Variants in PEX3 observed in about 807,000 individuals in gnomAD.
PEX3 encodes the protein peroxin-3.
In PEX3, 30 loss-of-function variants were observed where a neutral mutation model predicts 55.8. The ratio of observed to expected loss-of-function variants is 0.54; its 90% CI spans 0.40 to 0.73. PEX3 has a LOEUF of 0.73. Ranked by LOEUF, PEX3 falls within the 30% of genes least tolerant of loss-of-function variation. The pLI is 0.00. For missense variants in PEX3, 351 were observed against 432.8 expected (o/e 0.81, Z 1.68); for synonymous variants, 135 against 148.4 (o/e 0.91, Z 0.66).
Position 143,459,098 on chromosome 6 carries a change from G to A in PEX3, c.87G>A (p.Leu29=). ...TAATGATTGTAGGAGTATATATTCT[G>A]GGGAAATATGGACAGAAGAAAATCA... The part of the protein sequence containing the change: ...LGTVLGGVYI[L]GKYGQKKIRE... Residue 29 remains leucine, a synonymous_variant, in exon 2 of 12, where the codon CTG becomes CTA. Transcript: ENST00000367591. The surrounding 1 kb of genome is among the most constrained non-coding windows in gnomAD (Gnocchi z 4.2). 1 of 1,591,558 alleles carries A rather than the reference G, an allele frequency of 6.3e-7. No homozygotes were observed. The highest frequency in any genetic ancestry group is 8.6e-7 in the Non-Finnish European group (1 of 1,159,588).
rs888701246 is a variant in PEX3, at chr6:143,469,178, T to C, written c.331+1013T>C. Among the ~76,000 whole-genome samples, 14 of 152,222 alleles carry C rather than the reference T, an allele frequency of 9.2e-5. 1 individual carries two copies. Among genetic ancestry groups the C allele is most frequent in the Admixed American group, 5.9e-4 (9 of 15,282 alleles). On this transcript the variant is annotated intron_variant, in intron 4 of 11. Transcript: ENST00000367591. ...TATAGCAGCATGATTTATAATCCTT[T>C]AGGTATATACCCAGTAATGGGATGG...
At chr6:143,477,938 A>C (rs1181391823) in intron 9 of PEX3, among the ~76,000 whole-genome samples, 1 of 152,178 alleles carries the variant, frequency 6.6e-6, no homozygotes, top group African/African-American at 2.4e-5. Context: ...TATCTACCAA[A>C]AAGAATGAAA....
At chr6:143,460,916 A>G (rs887511498) in intron 2 of PEX3, among the ~76,000 whole-genome samples, 1 of 151,946 alleles carries the variant, frequency 6.6e-6, no homozygotes, top group Non-Finnish European at 1.5e-5. Context: ...CTTAAAATAC[A>G]TCGCAGTTTG....
In PEX3 at chr6:143,487,876, GA is replaced by G. The variant is rs1780341185; in HGVS notation, c.1039-1265del. Among the ~76,000 whole-genome samples the G allele has an allele frequency of 6.6e-6, 1 of 151,904 alleles. No homozygotes were observed. On this transcript the variant is annotated intron_variant, in intron 11 of 11. Transcript: ENST00000367591. This position sits in a 1 kb window ranked among gnomAD's most constrained non-coding sequence, Gnocchi z 5.3. ...AAGTAATGTTACTTAAAGCCAATAA[GA>G]ACATAAATATAAACAAATGCCCTAA...
chr6:143,473,007 C>T (rs969527005), intron 8 of PEX3, among the ~76,000 whole-genome samples: 1 of 152,168 alleles, frequency 6.6e-6, no homozygotes, highest in Non-Finnish European at 1.5e-5. Context: ...TGGCTCATTT[C>T]CTAAATTAGT....
rs1482062591 is a variant in PEX3 at position 143,476,726 on chromosome 6, G to A, written c.818+1870G>A. ...AGGAACTGCCATTTACATTTTGGCA[G>A]TGTTAAGCATATCCAAGTGGATATG... On this transcript the variant is annotated intron_variant, in intron 9 of 11. Transcript: ENST00000367591. The surrounding 1 kb of genome is among the most constrained non-coding windows in gnomAD (Gnocchi z 5.4). Among the ~76,000 whole-genome samples the A allele has an allele frequency of 6.6e-6, 1 of 152,218 alleles. No individual in the cohort carries two copies. The highest frequency in any genetic ancestry group is 6.5e-5 in the Admixed American group (1 of 15,284).
chr6:143,470,506 G>A (rs549763102), intron 4 of PEX3, among the ~76,000 whole-genome samples: 2 of 152,206 alleles, frequency 1.3e-5, no homozygotes, highest in South Asian at 4.2e-4. Flanking sequence ...CTACTGGGAG[G>A]CCTGTCTTAC....
Position 143,479,036 on chromosome 6 carries a change from CAG to C in PEX3, c.819-37_819-36del, listed in dbSNP as rs1780191646. On this transcript the variant is annotated intron_variant, in intron 9 of 11. Transcript: ENST00000367591. The surrounding 1 kb of genome is among the most constrained non-coding windows in gnomAD (Gnocchi z 4.6). ...TACTGAATTTGTTTTCTCTTCCATT[CAG>C]AGTCTAAAAAGTAACTTATACTTCT... 4.5e-6 allele frequency: 6 copies of C among 1,321,040 alleles called. No homozygotes were observed. The highest frequency in any genetic ancestry group is 1.8e-4 in the Middle Eastern group (1 of 5,496). 81.8% of individuals were successfully genotyped at this position (1,321,040 alleles called of 1,614,324 possible). A position where few individuals can be genotyped will look rare whatever the true frequency, so the allele number is the denominator to read the frequency against.
chr6:143,473,424 C>T (rs1433040925), intron 8 of PEX3, among the ~76,000 whole-genome samples: 1 of 152,104 alleles, frequency 6.6e-6, no homozygotes, highest in Admixed American at 6.5e-5. Context: ...AAGTAATTTA[C>T]AGTTTTCAAA....
Position 143,463,642 on chromosome 6 carries a change from A to G in PEX3, c.287+645A>G, listed in dbSNP as rs1191917756. On this transcript the variant is annotated intron_variant, in intron 3 of 11. Coordinates refer to ENST00000367591, the MANE Select transcript of PEX3 (RefSeq NM_003630.3). This position sits in a 1 kb window ranked among gnomAD's most constrained non-coding sequence, Gnocchi z 5.7. ...TTCTTATTTTGATGACAATGATGGGAGGGTGGGCAGGGAAATGGTTTCACT... is the reference window on the plus strand; with the variant it reads ...TTCTTATTTTGATGACAATGATGGGGGGGTGGGCAGGGAAATGGTTTCACT... Among the ~76,000 whole-genome samples the G allele has an allele frequency of 7.0e-6, 1 of 142,890 alleles. No individual in the cohort carries two copies. The highest frequency in any genetic ancestry group is 6.9e-5 in the Admixed American group (1 of 14,502). The allele number at this position is 142,890 out of a possible 152,430, so 93.7% of individuals were successfully genotyped here.
At chr6:143,452,886 AC>A (rs1485636729) in intron 1 of PEX3, among the ~76,000 whole-genome samples, 2 of 152,346 alleles carry the variant, frequency 1.3e-5, no homozygotes, top group African/African-American at 4.8e-5. Flanking sequence ...TTTAATAGTA[AC>A]AGCTACTATT....
chr6:143,463,014 G>A lies in PEX3; in HGVS notation c.287+17G>A, dbSNP rs1281796513. 3 of 1,580,244 alleles carry A rather than the reference G, an allele frequency of 1.9e-6. No homozygotes were observed. Among genetic ancestry groups the A allele is most frequent in the Non-Finnish European group, 2.6e-6 (3 of 1,149,396 alleles). On this transcript the variant is annotated intron_variant, in intron 3 of 11. Transcript: ENST00000367591. This position sits in a 1 kb window ranked among gnomAD's most constrained non-coding sequence, Gnocchi z 5.7. ...AAAAAACAGGTAAATGCAAGTTACA[G>A]CATTTTCTGTTTAAGCACTACACTT...
rs1034934457 is a variant in PEX3 at position 143,466,856 on chromosome 6, G to C, written c.288-1266G>C. Among the ~76,000 whole-genome samples, 1 of 151,938 alleles carries C rather than the reference G, an allele frequency of 6.6e-6. No individual in the cohort carries two copies. Among genetic ancestry groups the C allele is most frequent in the Non-Finnish European group, 1.5e-5 (1 of 67,902 alleles). On this transcript the variant is annotated intron_variant, in intron 3 of 11. Coordinates refer to ENST00000367591, the MANE Select transcript of PEX3 (RefSeq NM_003630.3). The surrounding 1 kb of genome is among the most constrained non-coding windows in gnomAD (Gnocchi z 5.4). Reference sequence around the variant, plus strand: ...TAAGTCGTCATCTATGAAGAAGGGAGAAAATGAAGGGGGTTAGGAACAGAC... The same window carrying C: ...TAAGTCGTCATCTATGAAGAAGGGACAAAATGAAGGGGGTTAGGAACAGAC...
chr6:143,482,000 A>G (rs1222672624), intron 10 of PEX3, among the ~76,000 whole-genome samples: 1 of 152,164 alleles, frequency 6.6e-6, no homozygotes, highest in Non-Finnish European at 1.5e-5. Flanking sequence ...AGTATTTGAA[A>G]TCAAAAGCAA....
intron 10 of PEX3, chr6:143,484,945 A>T (rs977405558): frequency 3.7e-6 from 2 of 539,126 alleles, no homozygotes; most frequent in Non-Finnish European, 6.6e-6. Flanking sequence ...AAAAAAACAA[A>T]GATATGTGTA....
In PEX3 at chr6:143,453,771, T is replaced by TC. The variant is rs1779807140; in HGVS notation, c.73+2657dup. 6.6e-6 allele frequency among the ~76,000 whole-genome samples: 1 copy of TC among 152,000 alleles called. No individual in the cohort carries two copies. Among genetic ancestry groups the TC allele is most frequent in the African/African-American group, 2.4e-5 (1 of 41,370 alleles). On this transcript the variant is annotated intron_variant, in intron 1 of 11. Coordinates refer to ENST00000367591, the MANE Select transcript of PEX3 (RefSeq NM_003630.3). The surrounding 1 kb of genome is among the most constrained non-coding windows in gnomAD (Gnocchi z 4.6). ...TTTAATTATTTTGTAGAGACAGGGG[T>TC]CTCACTACATTGCTCAGACTGGTCT... is the stretch of plus-strand genomic sequence containing the variant.
rs1458634522 is a variant in PEX3, at chr6:143,450,954, C to G, written c.-89C>G. ...ACAGAACGGGACGACGGCGCTCTTGCTGGGTCATCTGGGCCAGGTGACGAA... is the reference window on the plus strand; with the variant it reads ...ACAGAACGGGACGACGGCGCTCTTGGTGGGTCATCTGGGCCAGGTGACGAA... On this transcript the variant is annotated 5_prime_UTR_variant, in exon 1 of 12. Transcript: ENST00000367591. The G allele has an allele frequency of 4.0e-6, 4 of 990,058 alleles. No individual in the cohort carries two copies. Among genetic ancestry groups the G allele is most frequent in the African/African-American group, 1.6e-5 (1 of 63,072 alleles). The allele number at this position is 990,058 out of a possible 1,614,324, so 61.3% of individuals were successfully genotyped here. A position where few individuals can be genotyped will look rare whatever the true frequency, so the allele number is the denominator to read the frequency against.
Position 143,471,131 on chromosome 6 carries a change from G to T in PEX3, c.456+46G>T, listed in dbSNP as rs1156683298. The T allele has an allele frequency of 1.3e-6, 2 of 1,571,022 alleles. No homozygotes were observed. The highest frequency in any genetic ancestry group is 2.2e-5 in the East Asian group (1 of 44,582). On this transcript the variant is annotated intron_variant, in intron 5 of 11. Transcript: ENST00000367591. The surrounding 1 kb of genome is among the most constrained non-coding windows in gnomAD (Gnocchi z 5.4). ...TAGACATTGTTCTTTCCCTCAGGAG[G>T]TTCAAAGTTTAACTTATTTATCCTG... is the stretch of plus-strand genomic sequence containing the variant.
In PEX3 at chr6:143,479,006, G is replaced by A. The variant is rs145675869; in HGVS notation, c.819-70G>A. 114 of 936,634 alleles carry A rather than the reference G, an allele frequency of 1.2e-4. No individual in the cohort carries two copies. In the African/African-American group the frequency reaches 1.4e-3, roughly 12 times the overall value. The allele number at this position is 936,634 out of a possible 1,614,324, so 58.0% of individuals were successfully genotyped here. A position where few individuals can be genotyped will look rare whatever the true frequency, so the allele number is the denominator to read the frequency against. ...GTTGGTGGCTTTCAAAGGTAACCAC[G>A]TTATTACTGAATTTGTTTTCTCTTC... On this transcript the variant is annotated intron_variant, in intron 9 of 11. Coordinates refer to ENST00000367591, the MANE Select transcript of PEX3 (RefSeq NM_003630.3). This position sits in a 1 kb window ranked among gnomAD's most constrained non-coding sequence, Gnocchi z 4.6.
Sources: allele counts gnomAD v4.1 joint callset (sites outside exome capture counted in the v4.1 genomes callset), GRCh38; gene constraint gnomAD v4.1.1; non-coding constraint Gnocchi (gnomAD v3.1); transcripts MANE v1.5; gene names NCBI Gene and HGNC (gene_info 2026-07-23, HGNC 2026-07-21).